PARP8: variants seen among roughly 807,000 people sequenced by gnomAD.
PARP8 encodes the protein protein mono-ADP-ribosyltransferase PARP8.
PARP8 carries 51 observed loss-of-function variants against 124.1 expected under a neutral mutation model. That is an observed-to-expected ratio of 0.41 (90% confidence interval 0.33 to 0.52). The LOEUF (loss-of-function observed/expected upper bound fraction) is 0.52. Among genes scored for constraint, PARP8 ranks in the 20% least tolerant of loss-of-function variants. The probability of loss-of-function intolerance (pLI) is 0.21; values close to 1 mark genes in which losing one functional copy is unlikely to be tolerated. For missense variants in PARP8, 860 were observed against 1,018.9 expected, an observed-to-expected ratio of 0.84 and a Z score of 2.12; for synonymous variants, 391 against 361.5, an observed-to-expected ratio of 1.08 and a Z score of -0.93.
At chr5:50,718,439 A>ATG (rs984700864) in intron 2 of PARP8, among the ~76,000 whole-genome samples, 13 of 151,606 alleles carry the variant, frequency 8.6e-5, no homozygotes, top group Non-Finnish European at 1.9e-4. Context: ...ATGTGTGTGT[A>ATG]TGTGTGTGTG....
At chr5:50,809,706 T>G (rs1744229514) in intron 14 of PARP8, among the ~76,000 whole-genome samples, 1 of 152,028 alleles carries the variant, frequency 6.6e-6, no homozygotes, top group Non-Finnish European at 1.5e-5. Context: ...AGCTCCACTT[T>G]TATCTGTTTT....
At chr5:50,752,894 C>G (rs1207699102) in intron 3 of PARP8, among the ~76,000 whole-genome samples, 1 of 152,054 alleles carries the variant, frequency 6.6e-6, no homozygotes, top group Non-Finnish European at 1.5e-5. Flanking sequence ...TCCCTAGGAA[C>G]AGATTTGTCC....
intron 10 of PARP8, among the ~76,000 whole-genome samples, chr5:50,790,243 G>A (rs1419824760): frequency 1.3e-5 from 2 of 152,134 alleles, no homozygotes; most frequent in Non-Finnish European, 2.9e-5. Context: ...ATTATATAAT[G>A]TAGTGTTCTC....
At chr5:50,763,416 T>C (rs1225755604) in intron 7 of PARP8, among the ~76,000 whole-genome samples, 174 bp downstream of exon 7, 1 of 152,248 alleles carries the variant, frequency 6.6e-6, no homozygotes, top group African/African-American at 2.4e-5. Flanking sequence ...ATTTTTTTGA[T>C]ACATGTGGTT....
chr5:50,781,160 C>T (rs890359163), intron 9 of PARP8, among the ~76,000 whole-genome samples: 1 of 152,044 alleles, frequency 6.6e-6, no homozygotes, highest in Non-Finnish European at 1.5e-5. Context: ...TCCAATCTGT[C>T]TTCTGCTCCA....
At chr5:50,830,090 C>T in intron 22 of PARP8, 129 bp downstream of exon 22, 2 of 1,114,584 alleles carry the variant, frequency 1.8e-6, no homozygotes, top group Non-Finnish European at 2.3e-6. Context: ...TGCTAAATGT[C>T]AAAAGCAAAA....
chr5:50,771,822 T>C (rs1353081936), intron 7 of PARP8, among the ~76,000 whole-genome samples: 10 of 152,244 alleles, frequency 6.6e-5, no homozygotes, highest in Non-Finnish European at 1.5e-5. Context: ...TGATGGTGTT[T>C]AGCATATCCA....
intron 2 of PARP8, among the ~76,000 whole-genome samples, chr5:50,686,268 A>T (rs1192042888): frequency 5.3e-5 from 8 of 152,236 alleles, no homozygotes; most frequent in Admixed American, 5.2e-4. Flanking sequence ...TCCAAAATTC[A>T]GCAGGACAGT....
At chr5:50,835,479 G>A (rs112873580) in intron 25 of PARP8, among the ~76,000 whole-genome samples, 4 of 152,266 alleles carry the variant, frequency 2.6e-5, no homozygotes, top group African/African-American at 9.6e-5. Flanking sequence ...GGTGGAGGTT[G>A]CAGTGAGCCA....
In PARP8 at chr5:50,679,282, A is replaced by G. The variant is rs377506393; in HGVS notation, c.146+11157A>G. On this transcript the variant is annotated intron_variant, in intron 2 of 25. Coordinates refer to ENST00000281631, the MANE Select transcript of PARP8 (RefSeq NM_024615.4). ...AGAGTCTAGCGATTCTCCAGACTCC[A>G]TACTTTTCGTTATTATCAGATGCCA... is the stretch of plus-strand genomic sequence containing the variant. 4.5e-4 allele frequency among the ~76,000 whole-genome samples: 68 copies of G among 152,300 alleles called. No homozygotes were observed. In the South Asian group the frequency reaches 0.011, roughly 24 times the overall value.
intron 2 of PARP8, among the ~76,000 whole-genome samples, chr5:50,673,278 GAA>G (rs1238556212): frequency 1.3e-5 from 2 of 151,942 alleles, no homozygotes; most frequent in Non-Finnish European, 2.9e-5. Context: ...AACTCTTTTT[GAA>G]AACAGTTTCA....
chr5:50,673,551 G>GT lies in PARP8; in HGVS notation c.146+5427dup, dbSNP rs554655548. Among the ~76,000 whole-genome samples the GT allele has an allele frequency of 1.9e-3, 296 of 152,272 alleles. 3 individuals carry two copies. Among genetic ancestry groups the GT allele is most frequent in the African/African-American group, 6.7e-3 (280 of 41,546 alleles). ...AAAAACAGAGGCTTGGGTGATTTAAGTAAGTTACAGTTAGTAAGAGCCATA... is the reference window on the plus strand; with the variant it reads ...AAAAACAGAGGCTTGGGTGATTTAAGTTAAGTTACAGTTAGTAAGAGCCATA... On this transcript the variant is annotated intron_variant, in intron 2 of 25. Coordinates refer to ENST00000281631, the MANE Select transcript of PARP8 (RefSeq NM_024615.4).
At chr5:50,826,677 A>C in intron 18 of PARP8, 78 bp from the exon 19 acceptor site, 1 of 1,488,010 alleles carries the variant, frequency 6.7e-7, no homozygotes, top group Non-Finnish European at 8.9e-7. Context: ...AATAAGTTTT[A>C]ATCGGTTGCC....
chr5:50,741,761 T>C (rs73101054), intron 2 of PARP8: 3 of 413,276 alleles, frequency 7.3e-6, no homozygotes, highest in Non-Finnish European at 1.4e-5. Flanking sequence ...TAGTAAAGGG[T>C]AATACGTAAT....
chr5:50,794,638 T>A (rs971072113), intron 11 of PARP8, among the ~76,000 whole-genome samples: 3 of 152,134 alleles, frequency 2.0e-5, no homozygotes, highest in African/African-American at 7.2e-5. Context: ...GGAAAAAAAA[T>A]CTTAGAACCT....
intron 14 of PARP8, among the ~76,000 whole-genome samples, chr5:50,812,935 T>C (rs894296811): frequency 6.6e-6 from 1 of 152,186 alleles, no homozygotes; most frequent in African/African-American, 2.4e-5. Context: ...AGGGCTCTGT[T>C]CTGTTCCATT....
At chr5:50,839,804 T>C (rs1034109427) in intron 25 of PARP8, among the ~76,000 whole-genome samples, 2 of 151,866 alleles carry the variant, frequency 1.3e-5, no homozygotes, top group African/African-American at 4.8e-5. Context: ...TCATATCTTC[T>C]CCACTAACTT....
At position 50,788,556 on chromosome 5, in the gene PARP8, A is replaced by G; in HGVS notation, c.704A>G (p.Lys235Arg). The G allele has an allele frequency of 6.2e-7, 1 of 1,613,500 alleles. No individual in the cohort carries two copies. The highest frequency in any genetic ancestry group is 8.5e-7 in the Non-Finnish European group (1 of 1,179,738). Residue 235 changes from lysine to arginine, a missense_variant, in exon 10 of 26, where the codon AAA (lysine) becomes AGA (arginine). By Grantham distance (26) the Lys-to-Arg change is conservative. This residue lies in a region of PARP8 where 517 missense variants were observed against 544.2 expected (regional missense o/e 0.95). Transcript: ENST00000281631. ...GTTGATGTCTTTCAGATTTCCACAA[A>G]AGAGCGATTTGGATTGGGACATCAG... ...PTVDVFQIST[K>R]ERFGLGHQLK...
At position 50,792,681 on chromosome 5, in the gene PARP8, T is replaced by TA. The variant is rs542503019; in HGVS notation, c.738-1517dup. The stretch of plus-strand genomic sequence containing the variant: ...ATTTAAATCCTGCTGAAATTTTGGG[T>TA]AAAAAAAAATTCAAACATGAATAAA... On this transcript the variant is annotated intron_variant, in intron 10 of 25. Coordinates refer to ENST00000281631, the MANE Select transcript of PARP8 (RefSeq NM_024615.4). Among the ~76,000 whole-genome samples, 654 of 151,554 alleles carry TA rather than the reference T, an allele frequency of 4.3e-3. 3 individuals are homozygous for TA. The highest frequency in any genetic ancestry group is 0.015 in the African/African-American group (624 of 41,352).
Sources: allele counts gnomAD v4.1 joint callset (sites outside exome capture counted in the v4.1 genomes callset), GRCh38; gene constraint gnomAD v4.1.1; regional missense constraint gnomAD v4.1.1; transcripts MANE v1.5; gene names NCBI Gene and HGNC (gene_info 2026-07-23, HGNC 2026-07-21).